ANKRD11: variants seen among roughly 807,000 people sequenced by gnomAD.
The protein encoded by ANKRD11 is ankyrin repeat domain 11.
In ANKRD11, 17 loss-of-function variants were observed where a neutral mutation model predicts 195.7. That is an observed-to-expected ratio of 0.09 (90% CI 0.06 to 0.13). ANKRD11 has a LOEUF of 0.13. Ranked by LOEUF, ANKRD11 falls within the 10% of genes least tolerant of loss-of-function variation. The probability of loss-of-function intolerance (pLI) is 1.00; values close to 1 mark genes in which losing one functional copy is unlikely to be tolerated. For synonymous variants in ANKRD11, 1,953 were observed against 1,528.1 expected (o/e 1.28, Z -6.49); for missense variants, 3,735 against 3,566.1 (o/e 1.05, Z -1.21).
In ANKRD11 at chr16:89,279,322, G is replaced by A. The variant is rs1183274479; in HGVS notation, c.7220C>T (p.Thr2407Met). ...QQQLNTSTQQ[T>M]REVIQQTLAA... ...CAGCGTCTGCTGGATCACCTCCCGCGTCTGCTGCGTGGACGTGTTCAGCTG... is the reference window on the plus strand; with the variant it reads ...CAGCGTCTGCTGGATCACCTCCCGCATCTGCTGCGTGGACGTGTTCAGCTG... Residue 2407 changes from threonine to methionine, a missense_variant, in exon 9 of 13, where the codon ACG becomes ATG. By Grantham distance (81) the Thr-to-Met change is moderately conservative. Coordinates refer to ENST00000301030, the MANE Select transcript of ANKRD11 (RefSeq NM_013275.6). The surrounding 1 kb of genome is among the most constrained non-coding windows in gnomAD (Gnocchi z 5.6). 1 of 1,611,792 alleles carries A rather than the reference G, an allele frequency of 6.2e-7. No individual in the cohort carries two copies. The highest frequency in any genetic ancestry group is 8.5e-7 in the Non-Finnish European group (1 of 1,179,716).
At chr16:89,462,391 A>G (rs1047245838) in intron 1 of ANKRD11, among the ~76,000 whole-genome samples, 2 of 152,184 alleles carry the variant, frequency 1.3e-5, no homozygotes, top group African/African-American at 4.8e-5. Flanking sequence ...CCCAGGCTGG[A>G]GTGCAGTGGC....
chr16:89,401,068 ATGT>A (rs2041662311), intron 2 of ANKRD11, among the ~76,000 whole-genome samples: 1 of 151,858 alleles, frequency 6.6e-6, no homozygotes, highest in South Asian at 2.1e-4. Context: ...TGTCTCAGTA[ATGT>A]TATATATTTC....
intron 2 of ANKRD11, among the ~76,000 whole-genome samples, chr16:89,345,691 GC>G (rs1419650292): frequency 6.6e-6 from 1 of 152,176 alleles, no homozygotes; most frequent in Admixed American, 6.5e-5. Flanking sequence ...AATCCAGCTG[GC>G]TCAGCACGAG....
At chr16:89,415,850 A>AAAAAAAAAAAAAAAAAAAAAAAAAAAAAC (rs928499930) in intron 2 of ANKRD11, among the ~76,000 whole-genome samples, 2 of 147,384 alleles carry the variant, frequency 1.4e-5, no homozygotes, top group Non-Finnish European at 3.0e-5. Flanking sequence ...AAAAAAAAAA[A>AAAAAAAAAAAAAAAAAAAAAAAAAAAAAC]CAATGGAGAA....
intron 1 of ANKRD11, among the ~76,000 whole-genome samples, chr16:89,483,688 A>C (rs753982648): frequency 6.6e-6 from 1 of 151,924 alleles, no homozygotes; most frequent in African/African-American, 2.4e-5. Context: ...ATTAGCCAGG[A>C]GTGGTGGCGC....
chr16:89,434,434 A>C (rs2043124993), intron 1 of ANKRD11, among the ~76,000 whole-genome samples: 1 of 152,218 alleles, frequency 6.6e-6, no homozygotes, highest in Admixed American at 6.5e-5. Context: ...TCTGAGAAAG[A>C]AAGCCATAAA....
intron 2 of ANKRD11, among the ~76,000 whole-genome samples, chr16:89,331,199 C>T (rs1247618054): frequency 3.3e-5 from 5 of 152,224 alleles, no homozygotes; most frequent in Admixed American, 3.3e-4. Context: ...GGTGATCTGC[C>T]TGCTTTGGAT....
At chr16:89,322,262 T>A (rs2037372462) in intron 2 of ANKRD11, among the ~76,000 whole-genome samples, 1 of 152,224 alleles carries the variant, frequency 6.6e-6, no homozygotes, top group African/African-American at 2.4e-5. Flanking sequence ...TGTGACAACA[T>A]TACCCTCCGA....
intron 2 of ANKRD11, among the ~76,000 whole-genome samples, chr16:89,335,213 C>T (rs146681114): frequency 6.6e-6 from 1 of 152,314 alleles, no homozygotes; most frequent in East Asian, 1.9e-4. Context: ...ATTGTCCTGG[C>T]GTTCCATGCA....
At chr16:89,344,275 G>C (rs1377878957) in intron 2 of ANKRD11, among the ~76,000 whole-genome samples, 1 of 152,112 alleles carries the variant, frequency 6.6e-6, no homozygotes, top group African/African-American at 2.4e-5. Context: ...TTTATTTGGA[G>C]CCTCTAACGA....
At chr16:89,344,949 G>A (rs2038868491) in intron 2 of ANKRD11, among the ~76,000 whole-genome samples, 1 of 152,214 alleles carries the variant, frequency 6.6e-6, no homozygotes, top group African/African-American at 2.4e-5. Flanking sequence ...AGAATGGTTG[G>A]CAGAACTGAA....
intron 2 of ANKRD11, among the ~76,000 whole-genome samples, chr16:89,349,134 TAAAAAAAAAAAA>T (rs59621400): frequency 0.014 from 236 of 16,604 alleles, 9 homozygotes; most frequent in African/African-American, 0.062. Flanking sequence ...TCTCAAAAAG[TAAAAAAAAAAAA>T]AAAAAAAAAA....
chr16:89,341,332 CA>C (rs535712576), intron 2 of ANKRD11, among the ~76,000 whole-genome samples: 119 of 152,284 alleles, frequency 7.8e-4, no homozygotes, highest in Middle Eastern at 3.4e-3. Flanking sequence ...ATCAGGCAAT[CA>C]AACCAAAAGG....
intron 1 of ANKRD11, among the ~76,000 whole-genome samples, chr16:89,429,092 C>T (rs1277682714): frequency 1.3e-5 from 2 of 151,864 alleles, no homozygotes; most frequent in Non-Finnish European, 1.5e-5. Flanking sequence ...GCGTGGGATT[C>T]TCAACTCTCA....
chr16:89,448,653 T>C (rs1484186079), intron 1 of ANKRD11, among the ~76,000 whole-genome samples: 4 of 152,320 alleles, frequency 2.6e-5, no homozygotes, highest in Middle Eastern at 3.4e-3. Flanking sequence ...AAAGCAGGCA[T>C]TTAATTGCAC....
chr16:89,381,086 G>T (rs917480646), intron 2 of ANKRD11, among the ~76,000 whole-genome samples: 1 of 152,114 alleles, frequency 6.6e-6, no homozygotes, highest in Non-Finnish European at 1.5e-5. Context: ...ACTTTGGGAG[G>T]CCGAGGCAGG....
At chr16:89,418,261 T>C (rs1038523412) in intron 2 of ANKRD11, 23 bp downstream of exon 2, 9 of 452,882 alleles carry the variant, frequency 2.0e-5, no homozygotes, top group African/African-American at 1.0e-4. Flanking sequence ...CATAAATTGA[T>C]AGAGAATGCA....
intron 2 of ANKRD11, among the ~76,000 whole-genome samples, chr16:89,414,424 G>C (rs1407438189): frequency 2.0e-5 from 3 of 152,152 alleles, no homozygotes; most frequent in Non-Finnish European, 4.4e-5. Flanking sequence ...CGGGGGTCAC[G>C]CAGCCGCACC....
chr16:89,360,170 T>A (rs532546088), intron 2 of ANKRD11, among the ~76,000 whole-genome samples: 5 of 152,226 alleles, frequency 3.3e-5, no homozygotes, highest in Admixed American at 1.3e-4. Flanking sequence ...TGGTTTTCTG[T>A]TCCTGAGTTA....
Sources: gnomAD v4.1 joint callset for allele counts (sites outside exome capture counted in the v4.1 genomes callset) on GRCh38, gnomAD v4.1.1 for gene constraint, Gnocchi (gnomAD v3.1) non-coding constraint, MANE v1.5 for transcripts, NCBI Gene and HGNC (gene_info 2026-07-23, HGNC 2026-07-21) for gene names.